The following WDR59 variants were observed in gnomAD, a reference collection of about 807,000 sequenced individuals.
WDR59 encodes the protein GATOR2 complex protein WDR59.
WDR59 carries 100 observed loss-of-function variants against 131.2 expected under a neutral mutation model. That is an observed-to-expected ratio of 0.76 (90% CI 0.65 to 0.90). The LOEUF (loss-of-function observed/expected upper bound fraction) is 0.90. WDR59 is among the 40% of genes least tolerant of loss of function. The pLI is 0.00. For missense variants in WDR59, 1,203 were observed against 1,262.2 expected (o/e 0.95, Z 0.71); for synonymous variants, 601 against 466.2 (o/e 1.29, Z -3.72).
intron 25 of WDR59, among the ~76,000 whole-genome samples, chr16:74,881,285 C>T (rs1964468554): frequency 6.6e-6 from 1 of 152,120 alleles, no homozygotes; most frequent in Non-Finnish European, 1.5e-5. Context: ...ACAAGATTAC[C>T]ACAGAGGAAA....
chr16:74,908,031 G>A (rs1965904171), intron 17 of WDR59, among the ~76,000 whole-genome samples: 1 of 152,126 alleles, frequency 6.6e-6, no homozygotes, highest in African/African-American at 2.4e-5. Context: ...TTAATGCACA[G>A]AAAAATAATG....
chr16:74,960,100 C>G (rs778883007), intron 2 of WDR59, among the ~76,000 whole-genome samples: 1 of 151,332 alleles, frequency 6.6e-6, no homozygotes, highest in Non-Finnish European at 1.5e-5. Context: ...GAGGCCGAGG[C>G]GGGTAGACTG....
rs1567451007 is a variant in WDR59, at chr16:74,981,660, A to ATATATTTTTTTTTTTT, written c.54+3303_54+3304insAAAAAAAAAAAATATA. Among the ~76,000 whole-genome samples the ATATATTTTTTTTTTTT allele has an allele frequency of 9.9e-5, 8 of 80,878 alleles. 1 individual carries two copies. The highest frequency in any genetic ancestry group is 8.9e-4 in the South Asian group (2 of 2,240). 53.1% of individuals were successfully genotyped at this position (80,878 alleles called of 152,430 possible). A position where few individuals can be genotyped will look rare whatever the true frequency, so the allele number is the denominator to read the frequency against. ...TATATATATATATATATATATATATATTTTTTTTTTTTTTAGATGGAGTCT... is the reference window on the plus strand; with the variant it reads ...TATATATATATATATATATATATATATATATTTTTTTTTTTTTTTTTTTTTTTTTTAGATGGAGTCT... On this transcript the variant is annotated intron_variant, in intron 1 of 25. Transcript: ENST00000262144.
chr16:74,943,023 T>C (rs1292271778), intron 6 of WDR59, among the ~76,000 whole-genome samples, 197 bp from the exon 7 acceptor site: 1 of 152,128 alleles, frequency 6.6e-6, no homozygotes, highest in Non-Finnish European at 1.5e-5. Context: ...GGGAACAGGA[T>C]CATAGTCACC....
Position 74,874,104 on chromosome 16 carries a change from C to T in WDR59, c.*105G>A, listed in dbSNP as rs1964086532. 1 of 950,544 alleles carries T rather than the reference C, an allele frequency of 1.1e-6. No homozygotes were observed. The highest frequency in any genetic ancestry group is 1.6e-6 in the Non-Finnish European group (1 of 630,938). The allele number at this position is 950,544 out of a possible 1,614,324, so 58.9% of individuals were successfully genotyped here. On this transcript the variant is annotated 3_prime_UTR_variant, in exon 26 of 26. Coordinates refer to ENST00000262144, the MANE Select transcript of WDR59 (RefSeq NM_030581.4). ...TCCTTGGGGGATCATCCTCCGGTCT[C>T]ACTGGGGACGAACCCAGGTTCTGGA...
At chr16:74,905,406 G>A (rs1965753179) in intron 17 of WDR59, among the ~76,000 whole-genome samples, 1 of 150,878 alleles carries the variant, frequency 6.6e-6, no homozygotes, top group Admixed American at 6.6e-5. Flanking sequence ...AATAGGCCGG[G>A]CACGGTGGCT....
intron 18 of WDR59, among the ~76,000 whole-genome samples, chr16:74,902,063 A>C (rs1440507129): frequency 6.6e-6 from 1 of 152,196 alleles, no homozygotes; most frequent in African/African-American, 2.4e-5. Flanking sequence ...CCAATAATCC[A>C]AGGTTTCTGA....
At chr16:74,943,489 A>T (rs1287395972) in intron 6 of WDR59, among the ~76,000 whole-genome samples, 5 of 152,172 alleles carry the variant, frequency 3.3e-5, no homozygotes, top group Non-Finnish European at 7.3e-5. Flanking sequence ...TCATTGATAC[A>T]TTAGTGACAA....
rs1357822440 is a variant in WDR59, at chr16:74,882,829, A to AAAAG, written c.2689+2820_2689+2823dup. On this transcript the variant is annotated intron_variant, in intron 25 of 25. Transcript: ENST00000262144. ...TCTCAAAAAAAAAAAAAAAAAAAAA[A>AAAAG]AAAGAAAGAAAGAAAGAAAAGAAAA... Among the ~76,000 whole-genome samples the AAAAG allele has an allele frequency of 8.9e-4, 120 of 135,518 alleles. 1 individual carries two copies. The highest frequency in any genetic ancestry group is 3.2e-3 in the African/African-American group (115 of 35,818). 88.9% of individuals were successfully genotyped at this position (135,518 alleles called of 152,430 possible).
intron 18 of WDR59, among the ~76,000 whole-genome samples, chr16:74,900,334 G>A (rs115217903): frequency 3.9e-3 from 592 of 152,106 alleles, no homozygotes; most frequent in African/African-American, 0.014. Context: ...AGAAACGGGG[G>A]GAAGGAAGGG....
In WDR59 at chr16:74,984,984, C is replaced by T. The variant is rs556394958; in HGVS notation, c.34G>A (p.Val12Ile). The change falls in exon 1 of 26, where the codon GTA (valine) becomes ATA (isoleucine). Residue 12 changes from valine to isoleucine, a missense_variant. Val to Ile is a conservative substitution (Grantham distance 29). Transcript: ENST00000262144. ...AARWSSENVVVEFRDSQATAM... is the reference protein window; with the variant it reads ...AARWSSENVVIEFRDSQATAM... ...CTCACCTGGGAGTCACGGAACTCTA[C>T]AACCACGTTTTCGCTGCTCCATCGC... 4 of 1,601,932 alleles carry T rather than the reference C, an allele frequency of 2.5e-6. No individual in the cohort carries two copies. Among genetic ancestry groups the T allele is most frequent in the Admixed American group, 3.4e-5 (2 of 58,360 alleles).
In WDR59 at chr16:74,948,539, G is replaced by A. The variant is rs760464526; in HGVS notation, c.425C>T (p.Thr142Ile). Residue 142 changes from threonine to isoleucine, a missense_variant, in exon 6 of 26, where the codon ACT (threonine) becomes ATT (isoleucine). By Grantham distance (89) the Thr-to-Ile change is moderately conservative. Transcript: ENST00000262144. ...CTCACCAACAGCAGACAGTGCAACA[G>A]TAGGTTTCCTTGTGTCTCTGAAATA... ...IWDIKDTRKP[T>I]VALSAVAGAS... 6.2e-7 allele frequency: 1 copy of A among 1,613,744 alleles called. No individual in the cohort carries two copies. The highest frequency in any genetic ancestry group is 8.5e-7 in the Non-Finnish European group (1 of 1,179,738).
chr16:74,938,280 G>C lies in WDR59; in HGVS notation c.535-14C>G. ...TGTACTGGGTTTCTGCAACAGATCA[G>C]CACCTAATATTATCGATTTAGAAAG... On this transcript the variant is annotated splice_polypyrimidine_tract_variant and intron_variant, in intron 7 of 25. Transcript: ENST00000262144. The C allele has an allele frequency of 6.8e-7, 1 of 1,465,410 alleles. No homozygotes were observed. Among genetic ancestry groups the C allele is most frequent in the Non-Finnish European group, 9.1e-7 (1 of 1,096,866 alleles). The allele number at this position is 1,465,410 out of a possible 1,614,324, so 90.8% of individuals were successfully genotyped here. A position where few individuals can be genotyped will look rare whatever the true frequency, so the allele number is the denominator to read the frequency against.
intron 1 of WDR59, among the ~76,000 whole-genome samples, chr16:74,966,731 T>C (rs1428145951): frequency 6.6e-6 from 1 of 152,194 alleles, no homozygotes; most frequent in African/African-American, 2.4e-5. Context: ...GGTCATATTC[T>C]GGATACTGAC....
chr16:74,903,053 A>G (rs1597674496), intron 18 of WDR59, among the ~76,000 whole-genome samples: 1 of 152,258 alleles, frequency 6.6e-6, no homozygotes, highest in Non-Finnish European at 1.5e-5. Flanking sequence ...GTCAACTCTC[A>G]GTGTAAACCA....
intron 13 of WDR59, among the ~76,000 whole-genome samples, chr16:74,913,474 A>G (rs1369958324): frequency 6.6e-6 from 1 of 152,026 alleles, no homozygotes. Context: ...GTGTTTTGGT[A>G]GAGATGGGGT....
At chr16:74,959,030 G>A (rs1220775012) in intron 2 of WDR59, among the ~76,000 whole-genome samples, 1 of 152,164 alleles carries the variant, frequency 6.6e-6, no homozygotes, top group African/African-American at 2.4e-5. Flanking sequence ...TTGCACTCCA[G>A]CCCGGGCAAC....
At chr16:74,891,024 G>A (rs1016923377) in intron 20 of WDR59, among the ~76,000 whole-genome samples, 6 of 148,724 alleles carry the variant, frequency 4.0e-5, no homozygotes, top group Middle Eastern at 3.4e-3. Flanking sequence ...TGAGGCAGAA[G>A]AATCTCTTGA....
chr16:74,942,728 G>T lies in WDR59; in HGVS notation c.534+10C>A. 1 of 1,613,394 alleles carries T rather than the reference G, an allele frequency of 6.2e-7. No individual in the cohort carries two copies. The highest frequency in any genetic ancestry group is 8.5e-7 in the Non-Finnish European group (1 of 1,179,438). Reference sequence around the variant, plus strand: ...AAAGACCAATAAGGGCGAAAAAAGAGATTACTCACCCTCTTATCCCATATC... The same window carrying T: ...AAAGACCAATAAGGGCGAAAAAAGATATTACTCACCCTCTTATCCCATATC... On this transcript the variant is annotated intron_variant, in intron 7 of 25. Transcript: ENST00000262144.
Sources: gnomAD v4.1 joint callset for allele counts (sites outside exome capture counted in the v4.1 genomes callset) on GRCh38, gnomAD v4.1.1 for gene constraint, MANE v1.5 for transcripts, NCBI Gene and HGNC (gene_info 2026-07-23, HGNC 2026-07-21) for gene names.